MANSC4: variants seen among roughly 807,000 people sequenced by gnomAD.
MANSC4 encodes the protein MANSC domain-containing protein 4.
A neutral mutation model predicts 11.4 loss-of-function variants in MANSC4; 11 were observed. The observed-to-expected ratio is 0.97, with a 90% confidence interval of 0.61 to 1.60. The LOEUF is 1.60. Among genes scored for constraint, MANSC4 ranks in the 40% most tolerant of loss-of-function variants. The pLI is 0.00. For synonymous variants in MANSC4, 123 were observed against 147.1 expected (o/e 0.84, Z 1.19); for missense variants, 354 against 404.6 (o/e 0.88, Z 1.07).
intron 2 of MANSC4, 77 bp downstream of exon 2, chr12:27,770,971 G>T: frequency 1.8e-6 from 2 of 1,099,544 alleles, no homozygotes; most frequent in Non-Finnish European, 1.3e-6. Flanking sequence ...ACTGGCCTCT[G>T]CCTAAGGCTC....
chr12:27,769,704 TTACA>T (rs1345710788), intron 2 of MANSC4, among the ~76,000 whole-genome samples: 1 of 152,206 alleles, frequency 6.6e-6, no homozygotes, highest in Non-Finnish European at 1.5e-5. Context: ...CTCAAAAATC[TTACA>T]TACATAATCT....
At chr12:27,776,828 A>G (rs947658904) in intron 1 of MANSC4, among the ~76,000 whole-genome samples, 1 of 152,238 alleles carries the variant, frequency 6.6e-6, no homozygotes, top group Admixed American at 6.5e-5. Flanking sequence ...TGTTTTACAG[A>G]TAGTACCACA....
intron 2 of MANSC4, among the ~76,000 whole-genome samples, chr12:27,770,188 A>T (rs1363473294): frequency 9.6e-5 from 14 of 146,026 alleles, no homozygotes; most frequent in Middle Eastern, 3.6e-3. Context: ...TGTGTGTGAG[A>T]GAGAGAGAGA....
In MANSC4 at chr12:27,762,925, G is replaced by A. The variant is rs542602718; in HGVS notation, c.836C>T (p.Ser279Phe). Residue 279 changes from serine to phenylalanine, a missense_variant, in exon 4 of 4, where the codon TCT (serine) becomes TTT (phenylalanine). Coordinates refer to ENST00000381273, the MANE Select transcript of MANSC4 (RefSeq NM_001146221.5). ...NHTSANEDEV[S>F]VTSKTWLVSV... ...AACCAGCCAAGTCTTTGAAGTCACAGATACCTCATCTTCATTTGCAGATGT... is the reference window on the plus strand; with the variant it reads ...AACCAGCCAAGTCTTTGAAGTCACAAATACCTCATCTTCATTTGCAGATGT... The A allele has an allele frequency of 3.9e-6, 6 of 1,552,130 alleles. No homozygotes were observed. The Admixed American group carries it at 1.2e-4, about 30-fold the overall frequency.
At chr12:27,767,906 G>T (rs2062080499) in intron 2 of MANSC4, among the ~76,000 whole-genome samples, 1 of 152,226 alleles carries the variant, frequency 6.6e-6, no homozygotes, top group South Asian at 2.1e-4. Context: ...GCCACAGGCT[G>T]TGTGAGCATC....
At chr12:27,770,961 A>T in intron 2 of MANSC4, 87 bp downstream of exon 2, 2 of 951,882 alleles carry the variant, frequency 2.1e-6, no homozygotes, top group South Asian at 3.5e-5. Flanking sequence ...ACAACTGTTT[A>T]CTGGCCTCTG....
chr12:27,772,666 C>T (rs896200609), intron 1 of MANSC4, among the ~76,000 whole-genome samples: 9 of 152,206 alleles, frequency 5.9e-5, no homozygotes, highest in African/African-American at 2.2e-4. Flanking sequence ...TTCTATTGAA[C>T]TTCTTACAGA....
At chr12:27,765,132 C>T (rs1234739992) in intron 3 of MANSC4, among the ~76,000 whole-genome samples, 1 of 152,192 alleles carries the variant, frequency 6.6e-6, no homozygotes, top group South Asian at 2.1e-4. Context: ...CCACTGCACT[C>T]GGGCTTGCAA....
At chr12:27,779,670 C>G (rs139456982) in intron 1 of MANSC4, among the ~76,000 whole-genome samples, 2 of 152,222 alleles carry the variant, frequency 1.3e-5, no homozygotes, top group Non-Finnish European at 2.9e-5. Flanking sequence ...ATATTTGATG[C>G]CTTTTTGTCT....
Position 27,780,160 on chromosome 12 carries a change from C to A in MANSC4, c.-307+50G>T, listed in dbSNP as rs910823184. Reference sequence around the variant, plus strand: ...GGCCGCCGCCTCGCGGGAGCGGGCCCCGGGAGGAGGGGCCGCCGGAGAGGC... The same window carrying A: ...GGCCGCCGCCTCGCGGGAGCGGGCCACGGGAGGAGGGGCCGCCGGAGAGGC... On this transcript the variant is annotated intron_variant, in intron 1 of 3. Coordinates refer to ENST00000381273, the MANE Select transcript of MANSC4 (RefSeq NM_001146221.5). This position sits in a 1 kb window ranked among gnomAD's most constrained non-coding sequence, Gnocchi z 8.8. 1.7e-5 allele frequency: 5 copies of A among 297,682 alleles called. No homozygotes were observed. The highest frequency in any genetic ancestry group is 2.2e-5 in the African/African-American group (1 of 44,642). The allele number at this position is 297,682 out of a possible 1,614,324, so 18.4% of individuals were successfully genotyped here. A position where few individuals can be genotyped will look rare whatever the true frequency, so the allele number is the denominator to read the frequency against.
chr12:27,770,911 C>T (rs1464200129), intron 2 of MANSC4, 137 bp downstream of exon 2: 3 of 632,114 alleles, frequency 4.7e-6, no homozygotes, highest in Non-Finnish European at 8.0e-6. Context: ...TTACCTCTCC[C>T]TCTCTCTCCC....
intron 1 of MANSC4, chr12:27,779,984 G>C (rs889333761): frequency 2.6e-5 from 4 of 151,640 alleles, no homozygotes; most frequent in African/African-American, 9.7e-5. Flanking sequence ...GGGGTCCCGC[G>C]GGCGGAAGTG....
intron 3 of MANSC4, among the ~76,000 whole-genome samples, chr12:27,764,967 A>T (rs2062065729): frequency 6.6e-6 from 1 of 151,748 alleles, no homozygotes; most frequent in African/African-American, 2.4e-5. Context: ...CCTCATGAGT[A>T]CCTGGGACCA....
At chr12:27,771,943 C>T (rs958483992) in intron 1 of MANSC4, among the ~76,000 whole-genome samples, 1 of 151,832 alleles carries the variant, frequency 6.6e-6, no homozygotes, top group Non-Finnish European at 1.5e-5. Flanking sequence ...CTTTGGGAGG[C>T]TGAGGTGGGA....
Position 27,771,187 on chromosome 12 carries a change from G to A in MANSC4, c.90C>T (p.Tyr30=). The change falls in exon 2 of 4, where the codon TAC becomes TAT. Residue 30 remains tyrosine (Y), a synonymous_variant. Transcript: ENST00000381273. ...GGAAGCGACGGATCCAGCAGTCTCT[G>A]TAAAAAATTGTGGGTGAGCAGAGAG... ...SDSLCSPTIF[Y]RDCWIRRFPG... The A allele has an allele frequency of 6.4e-7, 1 of 1,552,100 alleles. No individual in the cohort carries two copies. The highest frequency in any genetic ancestry group is 1.2e-5 in the South Asian group (1 of 84,062).
At chr12:27,763,972 A>G (rs1311457977) in intron 3 of MANSC4, among the ~76,000 whole-genome samples, 1 of 152,074 alleles carries the variant, frequency 6.6e-6, no homozygotes, top group Non-Finnish European at 1.5e-5. Flanking sequence ...AGCTCAAGCG[A>G]TCCGCCCGCC....
chr12:27,769,493 CA>C lies in MANSC4; in HGVS notation c.229+1554del, dbSNP rs528577236. ...TACGCTTACAGTATCCCCGACAGTC[CA>C]AAGGCCAGAGCTTCTCTGCTGTGGA... On this transcript the variant is annotated intron_variant, in intron 2 of 3. Coordinates refer to ENST00000381273, the MANE Select transcript of MANSC4 (RefSeq NM_001146221.5). Among the ~76,000 whole-genome samples, 123 of 152,264 alleles carry C rather than the reference CA, an allele frequency of 8.1e-4. 1 individual carries two copies. Among genetic ancestry groups the C allele is most frequent in the Admixed American group, 7.9e-3 (120 of 15,286 alleles).
intron 2 of MANSC4, among the ~76,000 whole-genome samples, chr12:27,770,651 C>CTGTT (rs1267636842): frequency 6.6e-6 from 1 of 151,590 alleles, no homozygotes; most frequent in East Asian, 1.9e-4. Flanking sequence ...CCAGCCCGGG[C>CTGTT]AACATAGTGA....
chr12:27,763,139 C>A lies in MANSC4; in HGVS notation c.622G>T (p.Glu208Ter), dbSNP rs567225533. The change falls in exon 4 of 4, where the codon GAG (glutamate) becomes TAG (stop). Residue 208 changes from glutamate to a stop codon, truncating the protein, a stop_gained. Coordinates refer to ENST00000381273, the MANE Select transcript of MANSC4 (RefSeq NM_001146221.5). LOFTEE classifies it low-confidence loss of function (END_TRUNC). The stretch of plus-strand genomic sequence containing the variant: ...TTATTTATCTTTGTGGTAATGGACT[C>A]ATTCAGGGAAGTAAATCTTGCCCAA... ...DFWARFTSLN[E>*]SITTKINKVS... 3.3e-4 allele frequency: 508 copies of A among 1,551,712 alleles called. 5 individuals are homozygous for A. The South Asian group carries it at 5.5e-3, about 17-fold the overall frequency.
Sources: gnomAD v4.1 joint callset for allele counts (sites outside exome capture counted in the v4.1 genomes callset) on GRCh38, gnomAD v4.1.1 for gene constraint, Gnocchi (gnomAD v3.1) non-coding constraint, MANE v1.5 for transcripts, NCBI Gene and HGNC (gene_info 2026-07-23, HGNC 2026-07-21) for gene names.